COL4A6: variants seen among roughly 807,000 people sequenced by gnomAD.
The protein encoded by COL4A6 is collagen type IV alpha 6 chain.
In COL4A6, 59 loss-of-function variants were observed where a neutral mutation model predicts 126.7. The ratio of observed to expected loss-of-function variants is 0.47; its 90% CI spans 0.38 to 0.58. The LOEUF (loss-of-function observed/expected upper bound fraction) is 0.58. COL4A6 is among the 20% of genes least tolerant of loss of function. The probability of loss-of-function intolerance (pLI) is 0.00; values close to 1 mark genes in which losing one functional copy is unlikely to be tolerated. For synonymous variants in COL4A6, 547 were observed against 496.6 expected (o/e 1.10, Z -1.35); for missense variants, 1,285 against 1,337.3 (o/e 0.96, Z 0.61).
rs2148181521 is a variant in COL4A6, at chrX:108,197,950, C to T, written c.835-1371G>A. Among the ~76,000 whole-genome samples the T allele has an allele frequency of 1.8e-5, 2 of 111,215 alleles. 1 individual carries two copies. The highest frequency in any genetic ancestry group is 1.9e-4 in the Admixed American group (2 of 10,415). Reference sequence around the variant, plus strand: ...AAAGGCTCGTGGGTTAAACTGAATGCAAACTTATTTAAAATATGAGTTTTT... The same window carrying T: ...AAAGGCTCGTGGGTTAAACTGAATGTAAACTTATTTAAAATATGAGTTTTT... On this transcript the variant is annotated intron_variant, in intron 13 of 44. Transcript: ENST00000334504.
At chrX:108,260,713 C>T (rs1044681605) in intron 3 of COL4A6, among the ~76,000 whole-genome samples, 1 of 110,360 alleles carries the variant, frequency 9.1e-6, no homozygotes. Flanking sequence ...GCAGTAAACA[C>T]GTTCTTTTTT....
chrX:108,414,383 T>C (rs758276473), intron 2 of COL4A6, among the ~76,000 whole-genome samples: 1 of 111,254 alleles, frequency 9.0e-6, no homozygotes, highest in South Asian at 3.8e-4. Context: ...TCTCCCAATA[T>C]GGTTGTATTT....
At chrX:108,369,980 T>G (rs922146768) in intron 2 of COL4A6, among the ~76,000 whole-genome samples, 1 of 111,986 alleles carries the variant, frequency 8.9e-6, no homozygotes, top group Non-Finnish European at 1.9e-5. Flanking sequence ...TAATCCAATC[T>G]TAACTCCCAT....
At chrX:108,423,923 A>G (rs758673433) in intron 2 of COL4A6, among the ~76,000 whole-genome samples, 1 of 111,202 alleles carries the variant, frequency 9.0e-6, no homozygotes, top group African/African-American at 3.3e-5. Context: ...CACATCCCCA[A>G]TCAAAGCCAA....
At chrX:108,297,123 G>A (rs1342088280) in intron 3 of COL4A6, among the ~76,000 whole-genome samples, 2 of 111,706 alleles carry the variant, frequency 1.8e-5, no homozygotes, top group Admixed American at 9.5e-5. Context: ...AAGAAATTAT[G>A]CTATAAGGGG....
At chrX:108,284,282 G>C (rs1158190795) in intron 3 of COL4A6, among the ~76,000 whole-genome samples, 6 of 106,678 alleles carry the variant, frequency 5.6e-5, no homozygotes, top group Non-Finnish European at 9.7e-5. Flanking sequence ...GACACAGGGA[G>C]GGGAACATCA....
At chrX:108,398,624 T>C (rs1243532146) in intron 2 of COL4A6, among the ~76,000 whole-genome samples, 2 of 111,146 alleles carry the variant, frequency 1.8e-5, no homozygotes, top group African/African-American at 6.5e-5. Context: ...GATGTTCTAC[T>C]TCAATGAAAA....
At chrX:108,329,690 A>G (rs1306734784) in intron 2 of COL4A6, among the ~76,000 whole-genome samples, 1 of 111,818 alleles carries the variant, frequency 8.9e-6, no homozygotes, top group Non-Finnish European at 1.9e-5. Context: ...TGAATTGGTA[A>G]ATTTGAAGCT....
At chrX:108,383,721 T>C (rs1266634111) in intron 2 of COL4A6, 4 of 510,561 alleles carry the variant, frequency 7.8e-6, no homozygotes, top group Non-Finnish European at 1.1e-5. Flanking sequence ...GTTGGAGATA[T>C]AAGGTATCAG....
chrX:108,348,818 T>C (rs1448311341), intron 2 of COL4A6, among the ~76,000 whole-genome samples: 1 of 111,987 alleles, frequency 8.9e-6, no homozygotes, highest in Non-Finnish European at 1.9e-5. Context: ...ACCAATTCTA[T>C]TGAATTTCAG....
At chrX:108,161,854 G>C (rs2033951779) in intron 41 of COL4A6, 119 bp from the exon 42 acceptor site, 1 of 484,461 alleles carries the variant, frequency 2.1e-6, no homozygotes, top group Non-Finnish European at 3.6e-6. Context: ...GCACTTGGCT[G>C]TCGACTTGGT....
At chrX:108,190,002 G>T (rs748563722) in intron 20 of COL4A6, among the ~76,000 whole-genome samples, 1 of 112,536 alleles carries the variant, frequency 8.9e-6, no homozygotes, top group Non-Finnish European at 1.9e-5. Context: ...TGGGGGCTAG[G>T]GTTGTTCTCC....
chrX:108,364,201 A>G (rs1463146054), intron 2 of COL4A6, among the ~76,000 whole-genome samples: 1 of 110,802 alleles, frequency 9.0e-6, no homozygotes, highest in Admixed American at 9.6e-5. Context: ...GCTTCATTTC[A>G]GAGTAAATTA....
At chrX:108,157,324 G>A in intron 44 of COL4A6, 64 bp from the exon 45 acceptor site, 1 of 1,168,286 alleles carries the variant, frequency 8.6e-7, no homozygotes, top group Non-Finnish European at 1.1e-6. Flanking sequence ...GGGAGGGGAT[G>A]GGTGCTCCAC....
chrX:108,373,042 A>T, intron 2 of COL4A6, among the ~76,000 whole-genome samples: 1 of 111,707 alleles, frequency 9.0e-6, no homozygotes, highest in East Asian at 2.8e-4. Context: ...CATTTGATAC[A>T]AAATTTTCTG....
rs56782024 is a variant in COL4A6 at position 108,173,461 on chromosome X, G to GGTGTGT, written c.3139-935_3139-930dup. Among the ~76,000 whole-genome samples, 775 of 101,095 alleles carry GGTGTGT rather than the reference G, an allele frequency of 7.7e-3. 3 individuals are homozygous for GGTGTGT. The highest frequency in any genetic ancestry group is 0.012 in the Non-Finnish European group (577 of 49,594). The allele number at this position is 101,095 out of a possible 115,157, so 87.8% of individuals were successfully genotyped here. On this transcript the variant is annotated intron_variant, in intron 31 of 44. Coordinates refer to ENST00000334504, the MANE Select transcript of COL4A6 (RefSeq NM_033641.4). ...GAACTATTTATTTTCAATTGCTTCA[G>GGTGTGT]GTGTGTGTGTGTGTGTGTGTGTGTG...
intron 3 of COL4A6, among the ~76,000 whole-genome samples, chrX:108,281,387 C>T (rs1205316223): frequency 1.1e-5 from 1 of 89,959 alleles, no homozygotes. Flanking sequence ...AGTGAACTCC[C>T]ATTCACAATT....
intron 3 of COL4A6, among the ~76,000 whole-genome samples, chrX:108,301,071 T>C (rs955484218): frequency 2.7e-5 from 3 of 112,897 alleles, no homozygotes; most frequent in African/African-American, 6.4e-5. Flanking sequence ...AGAGAGTTGC[T>C]GTGCAATTAA....
intron 2 of COL4A6, among the ~76,000 whole-genome samples, chrX:108,348,623 C>T (rs2098282448): frequency 9.0e-6 from 1 of 111,315 alleles, no homozygotes; most frequent in South Asian, 3.8e-4. Flanking sequence ...TTAATTTATC[C>T]TCAATTTCAA....
Sources: allele counts gnomAD v4.1 joint callset (sites outside exome capture counted in the v4.1 genomes callset), GRCh38; gene constraint gnomAD v4.1.1; transcripts MANE v1.5; gene names NCBI Gene and HGNC (gene_info 2026-07-23, HGNC 2026-07-21).